TCF7L1: variants seen among roughly 807,000 people sequenced by gnomAD.
TCF7L1 encodes the protein transcription factor 7-like 1.
TCF7L1 carries 18 observed loss-of-function variants against 63.7 expected under a neutral mutation model. The ratio of observed to expected loss-of-function variants is 0.28; its 90% CI spans 0.20 to 0.42. The LOEUF (loss-of-function observed/expected upper bound fraction) is 0.42. Among genes scored for constraint, TCF7L1 ranks in the 10% least tolerant of loss-of-function variants. The pLI is 1.00. For missense variants in TCF7L1, 654 were observed against 779.3 expected (o/e 0.84, Z 1.91); for synonymous variants, 355 against 340.9 (o/e 1.04, Z -0.46).
intron 4 of TCF7L1, 123 bp from the exon 5 acceptor site, chr2:85,302,361 T>G: frequency 7.3e-7 from 1 of 1,372,204 alleles, no homozygotes. Context: ...TCAGGGACTG[T>G]TTTGAGGACT....
At chr2:85,203,034 A>G (rs1248855103) in intron 3 of TCF7L1, among the ~76,000 whole-genome samples, 2 of 151,990 alleles carry the variant, frequency 1.3e-5, no homozygotes, top group African/African-American at 4.8e-5. Context: ...ACGGGGTTTC[A>G]CCATGTTAGC....
chr2:85,258,044 A>C (rs1680762813), intron 3 of TCF7L1, among the ~76,000 whole-genome samples: 1 of 152,178 alleles, frequency 6.6e-6, no homozygotes, highest in Admixed American at 6.5e-5. Context: ...GTGAAATGGG[A>C]ATAACAACAA....
intron 3 of TCF7L1, among the ~76,000 whole-genome samples, chr2:85,233,522 G>A (rs1263968257): frequency 1.3e-5 from 2 of 151,502 alleles, no homozygotes; most frequent in Non-Finnish European, 2.9e-5. Flanking sequence ...CACCATGTTG[G>A]CCAGGATGGT....
intron 3 of TCF7L1, among the ~76,000 whole-genome samples, chr2:85,279,469 A>G (rs1681361264): frequency 6.6e-6 from 1 of 152,242 alleles, no homozygotes; most frequent in East Asian, 1.9e-4. Context: ...GCCTGATGCT[A>G]GGAATTCAGA....
intron 3 of TCF7L1, among the ~76,000 whole-genome samples, chr2:85,169,072 A>C (rs1014442660): frequency 3.3e-5 from 5 of 152,106 alleles, no homozygotes; most frequent in African/African-American, 1.2e-4. Context: ...AAACACCATC[A>C]TTTCATAACT....
chr2:85,144,367 G>A (rs917066642), intron 3 of TCF7L1, among the ~76,000 whole-genome samples: 1 of 145,702 alleles, frequency 6.9e-6, no homozygotes, highest in Admixed American at 7.0e-5. Context: ...GATAGCCTGA[G>A]CTCAGGAGTT....
At chr2:85,269,836 G>C (rs910431970) in intron 3 of TCF7L1, among the ~76,000 whole-genome samples, 2 of 152,188 alleles carry the variant, frequency 1.3e-5, no homozygotes, top group African/African-American at 4.8e-5. Context: ...ACCCACATTT[G>C]CATACACACT....
intron 4 of TCF7L1, among the ~76,000 whole-genome samples, chr2:85,294,471 T>C (rs1681801107): frequency 6.6e-6 from 1 of 152,210 alleles, no homozygotes; most frequent in Non-Finnish European, 1.5e-5. Flanking sequence ...GTGATGCTTA[T>C]GCTGCTGGTC....
intron 3 of TCF7L1, among the ~76,000 whole-genome samples, chr2:85,158,556 T>G (rs186997359): frequency 4.6e-5 from 7 of 152,364 alleles, no homozygotes; most frequent in Admixed American, 1.3e-4. Context: ...ATTTGAGTCC[T>G]AAGAAAAGTC....
chr2:85,285,108 CTG>C (rs1681512451), intron 4 of TCF7L1, among the ~76,000 whole-genome samples: 1 of 152,108 alleles, frequency 6.6e-6, no homozygotes, highest in Non-Finnish European at 1.5e-5. Flanking sequence ...TGGCGGGCGC[CTG>C]TAGTCCCAGC....
chr2:85,177,618 T>C (rs1365272470), intron 3 of TCF7L1, among the ~76,000 whole-genome samples: 1 of 152,120 alleles, frequency 6.6e-6, no homozygotes, highest in Non-Finnish European at 1.5e-5. Context: ...GGCAGTAGGA[T>C]TGCTTGAGCC....
rs553238112 is a variant in TCF7L1 at position 85,309,467 on chromosome 2, C to T, written c.*5C>T. ...GTCACCAAGTCTGCCCACTAAGCTCCCCCCGACCCCTGCAGGCTGTCACAT... is the reference window on the plus strand; with the variant it reads ...GTCACCAAGTCTGCCCACTAAGCTCTCCCCGACCCCTGCAGGCTGTCACAT... On this transcript the variant is annotated 3_prime_UTR_variant, in exon 12 of 12. Coordinates refer to ENST00000282111, the MANE Select transcript of TCF7L1 (RefSeq NM_031283.3). 126 of 1,518,796 alleles carry T rather than the reference C, an allele frequency of 8.3e-5. No individual in the cohort carries two copies. The South Asian group carries it at 1.5e-3, about 19-fold the overall frequency. The allele number at this position is 1,518,796 out of a possible 1,614,324, so 94.1% of individuals were successfully genotyped here.
At chr2:85,297,367 G>A (rs55650677) in intron 4 of TCF7L1, among the ~76,000 whole-genome samples, 10,417 of 152,148 alleles carry the variant, frequency 0.068, 460 homozygotes, top group African/African-American at 0.12. Flanking sequence ...AGTATTTGTT[G>A]ACCCATCCGT....
At chr2:85,156,187 A>G (rs1036135185) in intron 3 of TCF7L1, among the ~76,000 whole-genome samples, 4 of 152,108 alleles carry the variant, frequency 2.6e-5, no homozygotes, top group African/African-American at 9.7e-5. Flanking sequence ...CAGTGAGCCA[A>G]GTGGGTAGGT....
At chr2:85,295,612 TTC>T (rs1004641818) in intron 4 of TCF7L1, among the ~76,000 whole-genome samples, 25 of 150,440 alleles carry the variant, frequency 1.7e-4, no homozygotes, top group East Asian at 3.9e-4. Flanking sequence ...GTGCTTCTCT[TTC>T]TCTCTCTCTC....
At position 85,306,112 on chromosome 2, in the gene TCF7L1, C is replaced by T. The variant is rs1230297619; in HGVS notation, c.990-94C>T. On this transcript the variant is annotated intron_variant, in intron 8 of 11. Transcript: ENST00000282111. This position sits in a 1 kb window ranked among gnomAD's most constrained non-coding sequence, Gnocchi z 4.3. Reference sequence around the variant, plus strand: ...TAGCATCCAGGCAGCCCGCGCCCCTCCCCAGAGACAATCAGCGGTGTTTCA... The same window carrying T: ...TAGCATCCAGGCAGCCCGCGCCCCTTCCCAGAGACAATCAGCGGTGTTTCA... The T allele has an allele frequency of 2.0e-6, 3 of 1,529,836 alleles. No homozygotes were observed. The highest frequency in any genetic ancestry group is 2.7e-5 in the African/African-American group (2 of 73,206). The allele number at this position is 1,529,836 out of a possible 1,614,324, so 94.8% of individuals were successfully genotyped here. A position where few individuals can be genotyped will look rare whatever the true frequency, so the allele number is the denominator to read the frequency against.
At chr2:85,232,559 GA>G (rs1449916138) in intron 3 of TCF7L1, among the ~76,000 whole-genome samples, 11 of 151,954 alleles carry the variant, frequency 7.2e-5, no homozygotes, top group African/African-American at 2.7e-4. Context: ...TTTGCATGAT[GA>G]TCTTAAGTTT....
chr2:85,180,960 G>A (rs1307149181), intron 3 of TCF7L1, among the ~76,000 whole-genome samples: 2 of 152,196 alleles, frequency 1.3e-5, no homozygotes, highest in African/African-American at 2.4e-5. Context: ...CCTAACAGAC[G>A]GTGGCCTTCC....
At chr2:85,171,848 G>T (rs755974016) in intron 3 of TCF7L1, among the ~76,000 whole-genome samples, 1 of 152,078 alleles carries the variant, frequency 6.6e-6, no homozygotes, top group East Asian at 1.9e-4. Context: ...AGAGTTTACC[G>T]TGTACATGTC....
Sources: gnomAD v4.1 joint callset for allele counts (sites outside exome capture counted in the v4.1 genomes callset) on GRCh38, gnomAD v4.1.1 for gene constraint, Gnocchi (gnomAD v3.1) non-coding constraint, MANE v1.5 for transcripts, NCBI Gene and HGNC (gene_info 2026-07-23, HGNC 2026-07-21) for gene names.